VPS13B: variants seen among roughly 807,000 people sequenced by gnomAD.
The protein encoded by VPS13B is intermembrane lipid transfer protein VPS13B.
VPS13B carries 285 observed loss-of-function variants against 426.4 expected under a neutral mutation model. That is an observed-to-expected ratio of 0.67 (90% CI 0.61 to 0.74). The LOEUF (loss-of-function observed/expected upper bound fraction) is 0.74, where lower values mean the gene tolerates loss of function less well. Ranked by LOEUF, VPS13B falls within the 30% of genes least tolerant of loss-of-function variation. VPS13B has a pLI of 0.00. For missense variants in VPS13B, 4,537 were observed against 4,782.6 expected, an observed-to-expected ratio of 0.95 and a Z score of 1.51; for synonymous variants, 1,676 against 1,676.4, an observed-to-expected ratio of 1.00 and a Z score of 0.01.
At chr8:99,526,694 A>C (rs188176913) in intron 30 of VPS13B, among the ~76,000 whole-genome samples, 289 of 152,284 alleles carry the variant, frequency 1.9e-3, no homozygotes, top group Middle Eastern at 0.01. Flanking sequence ...ATTTTTGAAA[A>C]TGTTGACTAT....
intron 33 of VPS13B, among the ~76,000 whole-genome samples, chr8:99,579,423 A>C (rs1825937296): frequency 6.6e-6 from 1 of 151,734 alleles, no homozygotes; most frequent in Non-Finnish European, 1.5e-5. Context: ...TTTGAGATGG[A>C]GTCTTGCACT....
intron 21 of VPS13B, among the ~76,000 whole-genome samples, chr8:99,401,935 A>G (rs1361269181): frequency 6.6e-6 from 1 of 152,130 alleles, no homozygotes; most frequent in East Asian, 1.9e-4. Flanking sequence ...GGATATTCTC[A>G]TGTTGGCCAG....
chr8:99,390,580 A>T (rs1342016992), intron 20 of VPS13B, among the ~76,000 whole-genome samples: 2 of 152,178 alleles, frequency 1.3e-5, no homozygotes, highest in Non-Finnish European at 2.9e-5. Flanking sequence ...GGTGAGGCTT[A>T]AGGTTGGATC....
chr8:99,489,329 C>T (rs746844691), intron 25 of VPS13B, among the ~76,000 whole-genome samples: 1 of 151,080 alleles, frequency 6.6e-6, no homozygotes, highest in Non-Finnish European at 1.5e-5. Flanking sequence ...ATGCCATCTC[C>T]TTTGGGTTTT....
chr8:99,073,350 T>C (rs977683448), intron 3 of VPS13B, among the ~76,000 whole-genome samples: 2 of 152,246 alleles, frequency 1.3e-5, no homozygotes, highest in African/African-American at 4.8e-5. Context: ...TATTAATTCC[T>C]CTAATCTATG....
chr8:99,080,706 C>T (rs1452575005), intron 3 of VPS13B, among the ~76,000 whole-genome samples: 1 of 152,178 alleles, frequency 6.6e-6, no homozygotes, highest in Admixed American at 6.5e-5. Flanking sequence ...GAATCCTAAA[C>T]ACAATTGTTG....
At chr8:99,192,266 T>C (rs1223669903) in intron 16 of VPS13B, among the ~76,000 whole-genome samples, 2 of 152,204 alleles carry the variant, frequency 1.3e-5, no homozygotes, top group Non-Finnish European at 2.9e-5. Flanking sequence ...TAATTTTCCA[T>C]GTTACTATCA....
intron 8 of VPS13B, among the ~76,000 whole-genome samples, chr8:99,133,095 C>T (rs1396688026): frequency 6.6e-6 from 1 of 152,204 alleles, no homozygotes; most frequent in Non-Finnish European, 1.5e-5. Flanking sequence ...ATGACATCTT[C>T]TTCCAGGAGA....
intron 27 of VPS13B, among the ~76,000 whole-genome samples, chr8:99,506,765 G>A (rs1821519498): frequency 6.6e-6 from 1 of 152,192 alleles, no homozygotes; most frequent in East Asian, 1.9e-4. Flanking sequence ...GCTAAGGTGG[G>A]TGGATTGCTT....
chr8:99,819,359 A>G (rs996806966), intron 47 of VPS13B, 53 bp from the exon 48 acceptor site: 1 of 1,591,212 alleles, frequency 6.3e-7, no homozygotes, highest in Non-Finnish European at 8.6e-7. Context: ...AATAAATTAT[A>G]TACCACTTTA....
chr8:99,542,598 T>C (rs1823683724), intron 30 of VPS13B, among the ~76,000 whole-genome samples: 1 of 152,210 alleles, frequency 6.6e-6, no homozygotes, highest in Non-Finnish European at 1.5e-5. Flanking sequence ...GAGATCAGAC[T>C]GTGGCAGCTT....
At chr8:99,474,151 A>G (rs750621085) in intron 24 of VPS13B, among the ~76,000 whole-genome samples, 1 of 151,654 alleles carries the variant, frequency 6.6e-6, no homozygotes, top group Non-Finnish European at 1.5e-5. Flanking sequence ...AGGTGTTTAC[A>G]AGACATTCTT....
intron 24 of VPS13B, among the ~76,000 whole-genome samples, chr8:99,478,473 G>GTTTTTTTTTTT (rs1237481014): frequency 1.8e-5 from 1 of 55,526 alleles, no homozygotes. Context: ...TTTGTTTTTT[G>GTTTTTTTTTTT]TTTTTTTTTT....
chr8:99,614,750 C>G (rs1429091936), intron 33 of VPS13B, among the ~76,000 whole-genome samples: 1 of 152,056 alleles, frequency 6.6e-6, no homozygotes, highest in African/African-American at 2.4e-5. Context: ...AAATAAACTT[C>G]TATTATTTTT....
At chr8:99,043,883 G>GTC (rs1279713493) in intron 3 of VPS13B, among the ~76,000 whole-genome samples, 2 of 151,950 alleles carry the variant, frequency 1.3e-5, no homozygotes, top group African/African-American at 4.8e-5. Context: ...TGTGGATCCT[G>GTC]TCTCTGTATC....
intron 39 of VPS13B, among the ~76,000 whole-genome samples, chr8:99,726,695 C>T (rs1463244624): frequency 6.6e-6 from 1 of 152,014 alleles, no homozygotes; most frequent in East Asian, 1.9e-4. Context: ...CTTTTTTAAT[C>T]GAGAAAGTGT....
At chr8:99,100,541 C>T (rs962584044) in intron 4 of VPS13B, among the ~76,000 whole-genome samples, 3 of 152,072 alleles carry the variant, frequency 2.0e-5, no homozygotes, top group Admixed American at 6.6e-5. Context: ...CTGTCTGCTT[C>T]GGCCTCCCAA....
At chr8:99,564,021 A>T (rs1040059956) in intron 31 of VPS13B, among the ~76,000 whole-genome samples, 1 of 152,204 alleles carries the variant, frequency 6.6e-6, no homozygotes, top group Non-Finnish European at 1.5e-5. Flanking sequence ...GGCAACCTTT[A>T]TAATGATTTT....
At chr8:99,237,114 C>A (rs1472207957) in intron 17 of VPS13B, among the ~76,000 whole-genome samples, 2 of 152,164 alleles carry the variant, frequency 1.3e-5, no homozygotes, top group Non-Finnish European at 2.9e-5. Flanking sequence ...TCCTTGCCTT[C>A]CCCCATGATT....
Sources: allele counts gnomAD v4.1 joint callset (sites outside exome capture counted in the v4.1 genomes callset), GRCh38; gene constraint gnomAD v4.1.1; transcripts MANE v1.5; gene names NCBI Gene and HGNC (gene_info 2026-07-23, HGNC 2026-07-21).